YAF2: variants seen among roughly 807,000 people sequenced by gnomAD.
The protein encoded by YAF2 is YY1 associated factor 2, also known as YY1-associated factor 2.
In YAF2, 7 loss-of-function variants were observed where a neutral mutation model predicts 20.1. That is an observed-to-expected ratio of 0.35 (90% CI 0.20 to 0.65). The LOEUF (loss-of-function observed/expected upper bound fraction) is 0.65. Among genes scored for constraint, YAF2 ranks in the 30% least tolerant of loss-of-function variants. The pLI is 0.69. For synonymous variants in YAF2, 74 were observed against 76.0 expected (o/e 0.97, Z 0.14); for missense variants, 151 against 219.2 (o/e 0.69, Z 1.96).
intron 2 of YAF2, among the ~76,000 whole-genome samples, chr12:42,169,909 C>CTG (rs1373830139): frequency 6.6e-6 from 1 of 151,734 alleles, no homozygotes; most frequent in African/African-American, 2.4e-5. Flanking sequence ...CTTGCACTGT[C>CTG]ACCCAGGCTG....
intron 2 of YAF2, among the ~76,000 whole-genome samples, chr12:42,191,645 T>C (rs572848615): frequency 3.3e-5 from 5 of 152,322 alleles, no homozygotes; most frequent in Non-Finnish European, 5.9e-5. Context: ...GAGCACCTAC[T>C]ATGTGCCAAG....
At chr12:42,234,925 C>G (rs1349379859) in intron 2 of YAF2, 1 of 891,972 alleles carries the variant, frequency 1.1e-6, no homozygotes, top group Non-Finnish European at 1.3e-6. Context: ...GAGTTCGAGG[C>G]TGCAGTGAGC....
chr12:42,209,359 T>A (rs907276142), intron 2 of YAF2, among the ~76,000 whole-genome samples: 1 of 151,192 alleles, frequency 6.6e-6, no homozygotes, highest in Non-Finnish European at 1.5e-5. Flanking sequence ...AGTTCATGAG[T>A]TCGAGATCAG....
rs1428970364 is a variant in YAF2 at position 42,227,137 on chromosome 12, C to G, written c.152+10462G>C. Among the ~76,000 whole-genome samples, 16 of 145,772 alleles carry G rather than the reference C, an allele frequency of 1.1e-4. 1 individual carries two copies. In the East Asian group the frequency reaches 2.0e-3, roughly 18 times the overall value. ...GTCTCAGTCTTTGCCGCCGCGCCGGCGAGCGCCGCCCGGGAGGCAGCGGCT... is the reference window on the plus strand; with the variant it reads ...GTCTCAGTCTTTGCCGCCGCGCCGGGGAGCGCCGCCCGGGAGGCAGCGGCT... On this transcript the variant is annotated intron_variant, in intron 2 of 3. Coordinates refer to ENST00000534854, the MANE Select transcript of YAF2 (RefSeq NM_005748.6).
At chr12:42,178,215 C>T (rs553534943) in intron 2 of YAF2, among the ~76,000 whole-genome samples, 13 of 152,260 alleles carry the variant, frequency 8.5e-5, no homozygotes, top group African/African-American at 2.4e-4. Flanking sequence ...GTGATCCTAT[C>T]GCACTTGTTT....
Position 42,157,200 on chromosome 12 carries a change from A to G in YAF2, c.*3389T>C, listed in dbSNP as rs77902404. On this transcript the variant is annotated 3_prime_UTR_variant, in exon 4 of 4. Coordinates refer to ENST00000534854, the MANE Select transcript of YAF2 (RefSeq NM_005748.6). ...CTGATGAGGGCCTCATGCTGCTTCA[A>G]CTCATGGTGGAAAGCAGATGGTGAA... is the stretch of plus-strand genomic sequence containing the variant. 6.6e-6 allele frequency: 1 copy of G among 152,224 alleles called. No individual in the cohort carries two copies. Among genetic ancestry groups the G allele is most frequent in the Non-Finnish European group, 1.5e-5 (1 of 68,074 alleles). The allele number at this position is 152,224 out of a possible 1,614,324, so 9.4% of individuals were successfully genotyped here.
intron 2 of YAF2, among the ~76,000 whole-genome samples, chr12:42,198,796 G>A (rs712123): frequency 0.7 from 105,439 of 151,424 alleles, 37,752 homozygotes; most frequent in African/African-American, 0.86. Context: ...CATCTGAGGT[G>A]CCTTTATTGA....
intron 2 of YAF2, chr12:42,234,382 G>C: frequency 4.1e-6 from 4 of 985,356 alleles, no homozygotes; most frequent in Non-Finnish European, 4.8e-6. Context: ...TTTGGAGTGA[G>C]GGGCTGAAAA....
chr12:42,226,373 G>A (rs1365291859), intron 2 of YAF2, among the ~76,000 whole-genome samples: 1 of 152,114 alleles, frequency 6.6e-6, no homozygotes, highest in Non-Finnish European at 1.5e-5. Flanking sequence ...TTGAAATAAT[G>A]CTAAAACATC....
chr12:42,214,918 CG>C (rs1303232618), intron 2 of YAF2, among the ~76,000 whole-genome samples: 1 of 152,020 alleles, frequency 6.6e-6, no homozygotes, highest in African/African-American at 2.4e-5. Flanking sequence ...GCAGGAGAAT[CG>C]TTTGAACCTG....
At chr12:42,165,757 T>A (rs1362914105) in intron 2 of YAF2, among the ~76,000 whole-genome samples, 1 of 145,600 alleles carries the variant, frequency 6.9e-6, no homozygotes, top group Non-Finnish European at 1.5e-5. Flanking sequence ...AGATGTGAGC[T>A]GCTGCGCCCG....
rs1212611987 is a variant in YAF2 at position 42,165,781 on chromosome 12, T to G, written c.153-4016A>C. Among the ~76,000 whole-genome samples, 7 of 149,424 alleles carry G rather than the reference T, an allele frequency of 4.7e-5. 1 individual carries two copies. Among genetic ancestry groups the G allele is most frequent in the Admixed American group, 6.7e-5 (1 of 15,014 alleles). ...CTGCTGCGCCCGGCCAGGTTTTTTT[T>G]TTTTTTTTTTTTTTTAATGTAACTA... On this transcript the variant is annotated intron_variant, in intron 2 of 3. Transcript: ENST00000534854.
chr12:42,184,521 A>G (rs1023774097), intron 2 of YAF2, among the ~76,000 whole-genome samples: 1 of 152,042 alleles, frequency 6.6e-6, no homozygotes, highest in Non-Finnish European at 1.5e-5. Context: ...TGTTGACCGC[A>G]CTGGTCTCAA....
intron 2 of YAF2, chr12:42,231,461 T>G (rs942768730): frequency 3.9e-5 from 6 of 152,184 alleles, no homozygotes; most frequent in Non-Finnish European, 7.4e-5. Flanking sequence ...TTGAATAGCA[T>G]TTTCAGATAA....
At chr12:42,185,949 C>T (rs2066461817) in intron 2 of YAF2, among the ~76,000 whole-genome samples, 1 of 152,126 alleles carries the variant, frequency 6.6e-6, no homozygotes, top group African/African-American at 2.4e-5. Flanking sequence ...CCTGTAATCC[C>T]AACACTCTGG....
chr12:42,180,729 G>A (rs575236608), intron 2 of YAF2, among the ~76,000 whole-genome samples: 2 of 152,036 alleles, frequency 1.3e-5, no homozygotes, highest in African/African-American at 2.4e-5. Flanking sequence ...CAGGTGGATC[G>A]CTTGAGGCCA....
chr12:42,160,350 T>A lies in YAF2; in HGVS notation c.*239A>T. Reference sequence around the variant, plus strand: ...CTTACCAATAACACTGCATAATGAATAATTCAACCACATTTTCATGGCACT... The same window carrying A: ...CTTACCAATAACACTGCATAATGAAAAATTCAACCACATTTTCATGGCACT... On this transcript the variant is annotated 3_prime_UTR_variant, in exon 4 of 4. Coordinates refer to ENST00000534854, the MANE Select transcript of YAF2 (RefSeq NM_005748.6). 2 of 468,852 alleles carry A rather than the reference T, an allele frequency of 4.3e-6. No homozygotes were observed. Among genetic ancestry groups the A allele is most frequent in the Non-Finnish European group, 7.6e-6 (2 of 264,784 alleles). The allele number at this position is 468,852 out of a possible 1,614,324, so 29.0% of individuals were successfully genotyped here.
chr12:42,171,464 G>A (rs2066046150), intron 2 of YAF2, among the ~76,000 whole-genome samples: 1 of 151,858 alleles, frequency 6.6e-6, no homozygotes, highest in Admixed American at 6.6e-5. Context: ...AATAGCCACT[G>A]GCATTTCAGA....
chr12:42,213,434 C>G (rs1017600283), intron 2 of YAF2, among the ~76,000 whole-genome samples: 8 of 152,160 alleles, frequency 5.3e-5, no homozygotes, highest in Admixed American at 3.9e-4. Flanking sequence ...ATTTTGAAGC[C>G]TTACCTTACT....
Sources: allele counts gnomAD v4.1 joint callset (sites outside exome capture counted in the v4.1 genomes callset), GRCh38; gene constraint gnomAD v4.1.1; transcripts MANE v1.5; gene names NCBI Gene and HGNC (gene_info 2026-07-23, HGNC 2026-07-21).